MEF2C: variants seen among roughly 807,000 people sequenced by gnomAD.
MEF2C encodes myocyte enhancer factor 2C.
A neutral mutation model predicts 50.5 loss-of-function variants in MEF2C; 6 were observed. The ratio of observed to expected loss-of-function variants is 0.12; its 90% CI spans 0.07 to 0.23. The LOEUF is 0.23. Ranked by LOEUF, MEF2C falls within the 10% of genes least tolerant of loss-of-function variation. The pLI is 1.00. For synonymous variants in MEF2C, 183 were observed against 228.0 expected (o/e 0.80, Z 1.78); for missense variants, 276 against 605.0 (o/e 0.46, Z 5.70).
chr5:88,753,148 G>A (rs1328324855), intron 4 of MEF2C, among the ~76,000 whole-genome samples: 3 of 151,900 alleles, frequency 2.0e-5, no homozygotes, highest in Non-Finnish European at 4.4e-5. Context: ...TCCACTTTCT[G>A]TTACTGTTTG....
chr5:88,807,519 C>A lies in MEF2C; in HGVS notation c.55-2718G>T, dbSNP rs186912694. Reference sequence around the variant, plus strand: ...AAAGTGCTAGGATTACAGGCATAAGCCACCGTGCCTCGCCTCACTTTAAAT... The same window carrying A: ...AAAGTGCTAGGATTACAGGCATAAGACACCGTGCCTCGCCTCACTTTAAAT... On this transcript the variant is annotated intron_variant, in intron 2 of 10. Coordinates refer to ENST00000504921, the MANE Select transcript of MEF2C (RefSeq NM_002397.5). Among the ~76,000 whole-genome samples, 240 of 152,322 alleles carry A rather than the reference C, an allele frequency of 1.6e-3. 1 individual carries two copies. Among genetic ancestry groups the A allele is most frequent in the Admixed American group, 3.3e-3 (51 of 15,304 alleles).
chr5:88,875,266 C>A (rs955595215), intron 1 of MEF2C, among the ~76,000 whole-genome samples: 5 of 151,888 alleles, frequency 3.3e-5, no homozygotes, highest in Non-Finnish European at 7.4e-5. Flanking sequence ...AATCTGAAAA[C>A]TAAAAGCTCA....
At chr5:88,788,339 T>C (rs2152942272) in intron 3 of MEF2C, among the ~76,000 whole-genome samples, 1 of 152,152 alleles carries the variant, frequency 6.6e-6, no homozygotes, top group East Asian at 1.9e-4. Flanking sequence ...TAGCTGGGAT[T>C]ACAAGCGTGT....
intron 1 of MEF2C, among the ~76,000 whole-genome samples, chr5:88,893,264 A>G (rs1038089824): frequency 1.3e-5 from 2 of 152,068 alleles, no homozygotes; most frequent in African/African-American, 4.8e-5. Context: ...GAGCTACCGC[A>G]TGGCAAAATG....
chr5:88,896,741 A>C (rs1835157226), intron 1 of MEF2C, among the ~76,000 whole-genome samples: 2 of 152,216 alleles, frequency 1.3e-5, no homozygotes, highest in Non-Finnish European at 2.9e-5. Flanking sequence ...GAAACATTCT[A>C]CAACTTTCTT....
rs1766474915 is a variant in MEF2C, at chr5:88,741,025, A to G, written c.637+8045T>C. 3.0e-6 allele frequency: 3 copies of G among 985,344 alleles called. No individual in the cohort carries two copies. In the African/African-American group the frequency reaches 5.2e-5, roughly 17 times the overall value. 61.0% of individuals were successfully genotyped at this position (985,344 alleles called of 1,614,324 possible). On this transcript the variant is annotated intron_variant, in intron 6 of 10. Coordinates refer to ENST00000504921, the MANE Select transcript of MEF2C (RefSeq NM_002397.5). ...TTTACACAACTGCTGCGAACACATC[A>G]GAAGTTCATAACGTTCAAAGTGAAA... is the stretch of plus-strand genomic sequence containing the variant.
intron 1 of MEF2C, among the ~76,000 whole-genome samples, chr5:88,901,947 T>C (rs1835702705): frequency 6.6e-6 from 1 of 151,846 alleles, no homozygotes; most frequent in South Asian, 2.1e-4. Context: ...ATTGACAGAG[T>C]CATAAACAAT....
chr5:88,816,760 TAA>T (rs1454221946), intron 2 of MEF2C, among the ~76,000 whole-genome samples: 1 of 151,902 alleles, frequency 6.6e-6, no homozygotes, highest in Non-Finnish European at 1.5e-5. Flanking sequence ...TTATATGAAA[TAA>T]GTTTAGTATA....
intron 2 of MEF2C, among the ~76,000 whole-genome samples, chr5:88,818,415 G>T (rs531001793): frequency 6.6e-6 from 1 of 151,384 alleles, no homozygotes; most frequent in African/African-American, 2.4e-5. Context: ...GTGAAAGAGG[G>T]TAAGACTGCC....
At chr5:88,731,961 G>T (rs1761867626) in intron 6 of MEF2C, 60 bp from the exon 7 acceptor site, 8 of 1,452,458 alleles carry the variant, frequency 5.5e-6, no homozygotes, top group African/African-American at 2.8e-5. Context: ...CGTTTCCGAA[G>T]AATACACAAC....
At chr5:88,752,466 T>A (rs904398729) in intron 4 of MEF2C, 1 of 396,118 alleles carries the variant, frequency 2.5e-6, no homozygotes, top group African/African-American at 2.2e-5. Context: ...TTGAAGCATA[T>A]TTATGTAGAA....
chr5:88,900,328 A>G (rs1404967748), intron 1 of MEF2C, among the ~76,000 whole-genome samples: 1 of 151,830 alleles, frequency 6.6e-6, no homozygotes. Context: ...AGTTATATGA[A>G]CTATATAATG....
At chr5:88,848,726 G>A (rs925551176) in intron 1 of MEF2C, among the ~76,000 whole-genome samples, 6 of 152,186 alleles carry the variant, frequency 3.9e-5, no homozygotes, top group African/African-American at 1.2e-4. Context: ...ATTCTTCTCT[G>A]TGAAAGAGTT....
intron 3 of MEF2C, among the ~76,000 whole-genome samples, chr5:88,794,800 T>C (rs1218027040): frequency 6.6e-6 from 1 of 152,190 alleles, no homozygotes; most frequent in African/African-American, 2.4e-5. Flanking sequence ...CTTTAATCCA[T>C]CTACAGTTAT....
chr5:88,824,642 A>G (rs1810034003), intron 1 of MEF2C, among the ~76,000 whole-genome samples: 1 of 151,972 alleles, frequency 6.6e-6, no homozygotes, highest in African/African-American at 2.4e-5. Context: ...CACAAAATAA[A>G]TGGTGCAAAA....
At chr5:88,793,075 A>G (rs1011227556) in intron 3 of MEF2C, among the ~76,000 whole-genome samples, 5 of 152,122 alleles carry the variant, frequency 3.3e-5, no homozygotes, top group Non-Finnish European at 5.9e-5. Context: ...CTAGTGTGGG[A>G]CAGGCAATTG....
chr5:88,772,675 C>G, intron 3 of MEF2C: 1 of 940,992 alleles, frequency 1.1e-6, no homozygotes, highest in Non-Finnish European at 1.3e-6. Context: ...TCAACTTCTT[C>G]CCACATAATA....
At chr5:88,770,481 A>G (rs559347325) in intron 3 of MEF2C, among the ~76,000 whole-genome samples, 170 of 152,238 alleles carry the variant, frequency 1.1e-3, no homozygotes, top group African/African-American at 3.9e-3. Flanking sequence ...GTCACTTCTG[A>G]GCTATCTTTT....
chr5:88,751,510 G>A (rs1001819918), intron 5 of MEF2C: 3 of 985,320 alleles, frequency 3.0e-6, no homozygotes, highest in African/African-American at 1.7e-5. Flanking sequence ...AGCTTGGCCA[G>A]GAGGAAGAGG....
Sources: gnomAD v4.1 joint callset for allele counts (sites outside exome capture counted in the v4.1 genomes callset) on GRCh38, gnomAD v4.1.1 for gene constraint, MANE v1.5 for transcripts, NCBI Gene and HGNC (gene_info 2026-07-23, HGNC 2026-07-21) for gene names.